Variants in AATK observed in about 807,000 individuals in gnomAD.
AATK encodes the protein lemur tail kinase 1, also known as serine/threonine-protein kinase LMTK1.
A neutral mutation model predicts 114.3 loss-of-function variants in AATK; 91 were observed. That is an observed-to-expected ratio of 0.80 (90% CI 0.67 to 0.95). The LOEUF is 0.95. Among genes scored for constraint, AATK ranks in the 40% least tolerant of loss-of-function variants. The pLI is 0.00. For missense variants in AATK, 2,176 were observed against 1,965.2 expected, an observed-to-expected ratio of 1.11 and a Z score of -2.03; for synonymous variants, 1,075 against 916.5, an observed-to-expected ratio of 1.17 and a Z score of -3.12.
rs1241870866 is a variant in AATK, at chr17:81,117,302, T to C, written c.*1100A>G. 6.6e-6 allele frequency: 1 copy of C among 152,232 alleles called. No individual in the cohort carries two copies. The highest frequency in any genetic ancestry group is 1.5e-5 in the Non-Finnish European group (1 of 68,034). The allele number at this position is 152,232 out of a possible 1,614,324, so 9.4% of individuals were successfully genotyped here. A position where few individuals can be genotyped will look rare whatever the true frequency, so the allele number is the denominator to read the frequency against. On this transcript the variant is annotated 3_prime_UTR_variant, in exon 14 of 14. Transcript: ENST00000326724. ...GAAGACAACACACAAAGGTTTCTTT[T>C]GTCTTAGCTTCATTTCTCTTAAAAA... is the stretch of plus-strand genomic sequence containing the variant.
chr17:81,144,992 G>A (rs1179649386), intron 1 of AATK, among the ~76,000 whole-genome samples: 3 of 152,176 alleles, frequency 2.0e-5, no homozygotes. Context: ...CAACACTTTG[G>A]GAGGCCGAGG....
At position 81,151,297 on chromosome 17, in the gene AATK, CG is replaced by C. The variant is rs2061292694; in HGVS notation, c.55+14640del. ...GCCCAGCCCCACCTGTCTCCCCCAC[CG>C]ACCCCTCCTGTCTCCCCCCTCACCC... On this transcript the variant is annotated intron_variant, in intron 1 of 13. Coordinates refer to ENST00000326724, the MANE Select transcript of AATK (RefSeq NM_001080395.3). Among the ~76,000 whole-genome samples the C allele has an allele frequency of 1.2e-3, 163 of 140,276 alleles. 4 individuals are homozygous for C. Among genetic ancestry groups the C allele is most frequent in the Middle Eastern group, 3.9e-3 (1 of 258 alleles). 92.0% of individuals were successfully genotyped at this position (140,276 alleles called of 152,430 possible).
In AATK at chr17:81,124,721, A is replaced by T. The variant is rs1189089657; in HGVS notation, c.962+6T>A. ...CCCCTCACGGTGCCACCAGGGCCGC[A>T]CTCACCACACATTCCCGCTCTTGGT... On this transcript the variant is annotated splice_donor_region_variant and intron_variant, in intron 9 of 13. Coordinates refer to ENST00000326724, the MANE Select transcript of AATK (RefSeq NM_001080395.3). The T allele has an allele frequency of 1.2e-6, 2 of 1,612,226 alleles. No homozygotes were observed. The highest frequency in any genetic ancestry group is 2.7e-5 in the African/African-American group (2 of 74,906).
Position 81,122,485 on chromosome 17 carries a change from C to A in AATK, c.1451G>T (p.Gly484Val), listed in dbSNP as rs1362969050. The A allele has an allele frequency of 1.4e-6, 2 of 1,457,866 alleles. No homozygotes were observed. The highest frequency in any genetic ancestry group is 1.8e-6 in the Non-Finnish European group (2 of 1,100,344). 90.3% of individuals were successfully genotyped at this position (1,457,866 alleles called of 1,614,324 possible). A position where few individuals can be genotyped will look rare whatever the true frequency, so the allele number is the denominator to read the frequency against. The part of the protein sequence containing the change: ...GLNFEYKWEA[G>V]RGAEAFPATL... ...GGCCGGGAAGGCCTCCGCGCCGCGG[C>A]CCGCCTCCCACTTGTACTCAAAATT... The change falls in exon 11 of 14, where the codon GGC (glycine) becomes GTC (valine). Residue 484 changes from glycine to valine, a missense_variant. Around this residue, in one of 4 missense-constraint regions of AATK, gnomAD observed 1,701 missense variants for 1,394.7 expected, o/e 1.22. Transcript: ENST00000326724.
At position 81,122,412 on chromosome 17, in the gene AATK, G is replaced by A. The variant is rs1196562402; in HGVS notation, c.1524C>T (p.Pro508=). 1 of 1,461,660 alleles carries A rather than the reference G, an allele frequency of 6.8e-7. No homozygotes were observed. The highest frequency in any genetic ancestry group is 9.0e-7 in the Non-Finnish European group (1 of 1,110,418). 90.5% of individuals were successfully genotyped at this position (1,461,660 alleles called of 1,614,324 possible). ...GAACCACGCCCGGGGGCGCGCCGTC[G>A]GGGGCGCACAGCTCCTGCAGGCGTG... is the stretch of plus-strand genomic sequence containing the variant. ...RTARLQELCA[P]DGAPPGVVPV... Residue 508 remains proline (P), a synonymous_variant, in exon 11 of 14, where the codon CCC becomes CCT. Transcript: ENST00000326724.
Position 81,166,123 on chromosome 17 carries a change from C to G in AATK, c.-131G>C, listed in dbSNP as rs1161382858. ...GCGCGCCGGCCCCCGCGCCCCGCGC[C>G]CCCCGCCGCAGCCGCAGAGCCCGCA... On this transcript the variant is annotated 5_prime_UTR_variant, in exon 1 of 14. Transcript: ENST00000326724. The G allele has an allele frequency of 4.7e-6, 2 of 421,474 alleles. No homozygotes were observed. The highest frequency in any genetic ancestry group is 6.3e-6 in the Non-Finnish European group (2 of 319,320). The allele number at this position is 421,474 out of a possible 1,614,324, so 26.1% of individuals were successfully genotyped here.
intron 1 of AATK, among the ~76,000 whole-genome samples, chr17:81,148,064 C>CA (rs35731140): frequency 0.23 from 22,459 of 98,872 alleles, 3,230 homozygotes; most frequent in East Asian, 0.31. Context: ...ACAACTTTGT[C>CA]AAAAAAAAAA....
In AATK at chr17:81,138,206, CCCA is replaced by C. The variant is rs1480749202; in HGVS notation, c.56-3708_56-3706del. Among the ~76,000 whole-genome samples the C allele has an allele frequency of 2.3e-4, 35 of 150,426 alleles. No individual in the cohort carries two copies. The South Asian group carries it at 6.6e-3, about 28-fold the overall frequency. ...ACATGCGTGCACACACACACACACC[CCCA>C]CATGCACACATATCCACCCACACGC... is the stretch of plus-strand genomic sequence containing the variant. On this transcript the variant is annotated intron_variant, in intron 1 of 13. Transcript: ENST00000326724.
chr17:81,157,409 C>T (rs567107790), intron 1 of AATK, among the ~76,000 whole-genome samples: 30 of 152,330 alleles, frequency 2.0e-4, no homozygotes, highest in African/African-American at 7.2e-4. Flanking sequence ...GCCTGCCGCA[C>T]ACGCTGGCAG....
At chr17:81,139,852 C>T (rs1317767564) in intron 1 of AATK, among the ~76,000 whole-genome samples, 1 of 152,202 alleles carries the variant, frequency 6.6e-6, no homozygotes, top group Non-Finnish European at 1.5e-5. Context: ...CATGCACACA[C>T]GTGTCCAGGC....
chr17:81,164,740 C>T lies in AATK; in HGVS notation c.55+1198G>A, dbSNP rs117724572. Among the ~76,000 whole-genome samples the T allele has an allele frequency of 1.0e-3, 154 of 152,292 alleles. 2 individuals carry two copies. The East Asian group carries it at 0.015, about 15-fold the overall frequency. On this transcript the variant is annotated intron_variant, in intron 1 of 13. Coordinates refer to ENST00000326724, the MANE Select transcript of AATK (RefSeq NM_001080395.3). ...CCTCCTCCACCCCCTGCCCTTGGGC[C>T]GGGGAGACATTACAGCTGTTGCCGT...
chr17:81,138,125 CCA>C (rs909868403), intron 1 of AATK, among the ~76,000 whole-genome samples: 40 of 148,630 alleles, frequency 2.7e-4, no homozygotes, highest in Non-Finnish European at 4.8e-4. Context: ...CAGACATACC[CCA>C]CACACACATG....
intron 1 of AATK, among the ~76,000 whole-genome samples, chr17:81,152,057 T>C (rs947055194): frequency 5.3e-5 from 8 of 152,070 alleles, no homozygotes; most frequent in African/African-American, 1.7e-4. Context: ...GGCGGATCAC[T>C]TGAGGTCGGA....
At chr17:81,119,888 A>G (rs2060675343) in intron 12 of AATK, 48 bp downstream of exon 12, 3 of 1,402,176 alleles carry the variant, frequency 2.1e-6, no homozygotes, top group Non-Finnish European at 2.8e-6. Context: ...AGCACGGACC[A>G]GGCCCTGCCT....
chr17:81,146,901 C>T (rs1260961139), intron 1 of AATK, among the ~76,000 whole-genome samples: 1 of 126,446 alleles, frequency 7.9e-6, no homozygotes, highest in Non-Finnish European at 1.7e-5. Context: ...AGCCTGTGGA[C>T]CTGCCTTCTC....
At chr17:81,146,356 G>A (rs185137037) in intron 1 of AATK, among the ~76,000 whole-genome samples, 2 of 151,896 alleles carry the variant, frequency 1.3e-5, no homozygotes, top group East Asian at 3.9e-4. Context: ...GAGAGACCCT[G>A]TCCCAAAAAC....
rs1297010002 is a variant in AATK, at chr17:81,117,452, T to G, written c.*950A>C. On this transcript the variant is annotated 3_prime_UTR_variant, in exon 14 of 14. Transcript: ENST00000326724. ...AACAATAACTTAAAATCACCCAACTTCCATTCGCTCCAACCACAGCAGTTA... is the reference window on the plus strand; with the variant it reads ...AACAATAACTTAAAATCACCCAACTGCCATTCGCTCCAACCACAGCAGTTA... 1 of 152,212 alleles carries G rather than the reference T, an allele frequency of 6.6e-6. No individual in the cohort carries two copies. The highest frequency in any genetic ancestry group is 1.5e-5 in the Non-Finnish European group (1 of 68,052). 9.4% of individuals were successfully genotyped at this position (152,212 alleles called of 1,614,324 possible).
At chr17:81,164,859 C>G (rs1298673749) in intron 1 of AATK, among the ~76,000 whole-genome samples, 4 of 152,196 alleles carry the variant, frequency 2.6e-5, no homozygotes, top group Non-Finnish European at 5.9e-5. Flanking sequence ...CAAGTGACAC[C>G]CACAGCCCTA....
At position 81,131,814 on chromosome 17, in the gene AATK, A is replaced by G. The variant is rs537614227; in HGVS notation, c.190-609T>C. On this transcript the variant is annotated intron_variant, in intron 2 of 13. Transcript: ENST00000326724. ...CACAGTCCTGTGGGAGAAGCAATTA[A>G]GTGCCCCCACCCCTGCCGGGACAAG... 11 of 1,281,590 alleles carry G rather than the reference A, an allele frequency of 8.6e-6. No individual in the cohort carries two copies. The African/African-American group carries it at 1.4e-4, about 16-fold the overall frequency. 79.4% of individuals were successfully genotyped at this position (1,281,590 alleles called of 1,614,324 possible).
Sources: allele counts gnomAD v4.1 joint callset (sites outside exome capture counted in the v4.1 genomes callset), GRCh38; gene constraint gnomAD v4.1.1; regional missense constraint gnomAD v4.1.1; transcripts MANE v1.5; gene names NCBI Gene and HGNC (gene_info 2026-07-23, HGNC 2026-07-21).